The following CRYBG3 variants were observed in gnomAD, a reference collection of about 807,000 sequenced individuals.
CRYBG3 encodes the protein crystallin beta-gamma domain containing 3.
A neutral mutation model predicts 244.2 loss-of-function variants in CRYBG3; 127 were observed. The observed-to-expected ratio is 0.52, with a 90% confidence interval of 0.45 to 0.60. The LOEUF is 0.60. CRYBG3 is among the 20% of genes least tolerant of loss of function. The probability of loss-of-function intolerance (pLI) is 0.00; values close to 1 mark genes in which losing one functional copy is unlikely to be tolerated. For missense variants in CRYBG3, 3,325 were observed against 3,442.5 expected (o/e 0.97, Z 0.85); for synonymous variants, 1,132 against 1,195.8 (o/e 0.95, Z 1.10).
intron 11 of CRYBG3, among the ~76,000 whole-genome samples, chr3:97,894,431 A>G (rs531586774): frequency 4.6e-5 from 7 of 152,082 alleles, no homozygotes; most frequent in Non-Finnish European, 8.8e-5. Context: ...CACAACTTCT[A>G]CCATTTTTTG....
At chr3:97,896,118 C>CT in intron 12 of CRYBG3, 33 bp downstream of exon 12, 1 of 1,566,544 alleles carries the variant, frequency 6.4e-7, no homozygotes, top group East Asian at 2.3e-5. Context: ...AATTTTCTAC[C>CT]TTTTAAAAAA....
At chr3:97,868,717 A>G (rs2039266238) in intron 3 of CRYBG3, among the ~76,000 whole-genome samples, 1 of 152,174 alleles carries the variant, frequency 6.6e-6, no homozygotes, top group South Asian at 2.1e-4. Flanking sequence ...GTATTATTAT[A>G]GTGAGTTGAA....
chr3:97,901,355 A>G lies in CRYBG3; in HGVS notation c.8004+870A>G, dbSNP rs184447162. Among the ~76,000 whole-genome samples the G allele has an allele frequency of 8.5e-5, 13 of 152,356 alleles. No individual in the cohort carries two copies. The East Asian group carries it at 2.1e-3, about 25-fold the overall frequency. On this transcript the variant is annotated intron_variant, in intron 15 of 21. Coordinates refer to ENST00000389622, the MANE Select transcript of CRYBG3 (RefSeq NM_153605.4). Reference sequence around the variant, plus strand: ...AATATTTGGCATTTGCTGCCTTTACATAATGCTCAGTGTTTTTCTCTGAAT... The same window carrying G: ...AATATTTGGCATTTGCTGCCTTTACGTAATGCTCAGTGTTTTTCTCTGAAT...
chr3:97,910,604 G>C (rs1343353053), intron 15 of CRYBG3, among the ~76,000 whole-genome samples: 1 of 152,148 alleles, frequency 6.6e-6, no homozygotes, highest in African/African-American at 2.4e-5. Flanking sequence ...TCCCTGCTTC[G>C]GTTCGCGCAC....
chr3:97,880,234 CATT>C (rs1227676510), intron 6 of CRYBG3, 134 bp downstream of exon 6: 1 of 561,608 alleles, frequency 1.8e-6, no homozygotes, highest in African/African-American at 1.9e-5. Context: ...GATTTTGAAA[CATT>C]ATTATTAGTG....
chr3:97,918,798 AT>A (rs2039954052), intron 17 of CRYBG3, among the ~76,000 whole-genome samples: 1 of 152,156 alleles, frequency 6.6e-6, no homozygotes, highest in South Asian at 2.1e-4. Context: ...AGCACCTCCA[AT>A]TGGGGACATG....
chr3:97,899,360 G>A (rs934796172), intron 14 of CRYBG3, 97 bp downstream of exon 14: 9 of 1,297,834 alleles, frequency 6.9e-6, no homozygotes, highest in Non-Finnish European at 9.6e-6. Context: ...GTTGAATGAT[G>A]TCATGTGTGT....
chr3:97,917,145 T>TAGAA (rs2039937292), intron 17 of CRYBG3, among the ~76,000 whole-genome samples: 1 of 152,184 alleles, frequency 6.6e-6, no homozygotes, highest in Admixed American at 6.5e-5. Flanking sequence ...GAGGGCATTT[T>TAGAA]AGAAGCAGGG....
chr3:97,828,828 C>CA (rs11341279), intron 1 of CRYBG3, among the ~76,000 whole-genome samples: 27,749 of 114,704 alleles, frequency 0.24, 3,285 homozygotes, highest in Middle Eastern at 0.32. Flanking sequence ...AACTCCATCT[C>CA]AAAAAAAAAA....
chr3:97,868,903 AT>A, intron 3 of CRYBG3, among the ~76,000 whole-genome samples: 1 of 151,812 alleles, frequency 6.6e-6, no homozygotes, highest in East Asian at 1.9e-4. Context: ...GACCATGAAC[AT>A]TTCTTGGTAT....
At position 97,877,979 on chromosome 3, in the gene CRYBG3, C is replaced by G; in HGVS notation, c.6785C>G (p.Pro2262Arg). 6.2e-7 allele frequency: 1 copy of G among 1,614,042 alleles called. No homozygotes were observed. Among genetic ancestry groups the G allele is most frequent in the Non-Finnish European group, 8.5e-7 (1 of 1,180,004 alleles). ...AGATTTGGTGGAATTTTTCAGGAAC[C>G]AGTGTCAAAATATTTCCGTGTTCAA... ...GARFGGIFQE[P>R]VSKYFRVQDS... The change falls in exon 4 of 22, where the codon CCA becomes CGA. Residue 2262 changes from proline to arginine, a missense_variant. Transcript: ENST00000389622.
intron 3 of CRYBG3, among the ~76,000 whole-genome samples, chr3:97,867,775 T>A (rs2039252437): frequency 6.6e-6 from 1 of 152,176 alleles, no homozygotes; most frequent in Non-Finnish European, 1.5e-5. Flanking sequence ...TTGTGAAAAT[T>A]CAAATGATAT....
In CRYBG3 at chr3:97,873,248, C is replaced by T; in HGVS notation, c.2054C>T (p.Thr685Ile). Residue 685 changes from threonine (T) to isoleucine (I), a missense_variant, in exon 4 of 22, where the codon ACT becomes ATT. By Grantham distance (89) the Thr-to-Ile change is moderately conservative. This residue lies in a region of CRYBG3 where 1,526 missense variants were observed against 1,443.2 expected (regional missense o/e 1.06). Coordinates refer to ENST00000389622, the MANE Select transcript of CRYBG3 (RefSeq NM_153605.4). ...GAGGGTTCTCCTGTGCCCATTGAAA[C>T]TGGGAATGTCAACATTGTTGGTATT... ...MNEGSPVPIE[T>I]GNVNIVGISY... 2.0e-6 allele frequency: 3 copies of T among 1,535,060 alleles called. No individual in the cohort carries two copies. Among genetic ancestry groups the T allele is most frequent in the Non-Finnish European group, 2.6e-6 (3 of 1,146,506 alleles).
intron 17 of CRYBG3, among the ~76,000 whole-genome samples, chr3:97,927,797 A>T (rs2040055413): frequency 6.6e-6 from 1 of 152,142 alleles, no homozygotes; most frequent in African/African-American, 2.4e-5. Context: ...CAACAAGCAT[A>T]TGAAAAAATG....
intron 12 of CRYBG3, among the ~76,000 whole-genome samples, chr3:97,897,895 C>CA (rs1413148077): frequency 6.6e-6 from 1 of 151,976 alleles, no homozygotes; most frequent in Non-Finnish European, 1.5e-5. Context: ...TATGTTTTGA[C>CA]AAAACGGAAC....
At chr3:97,886,879 C>A in intron 8 of CRYBG3, 112 bp downstream of exon 8, 1 of 855,898 alleles carries the variant, frequency 1.2e-6, no homozygotes. Flanking sequence ...TCTCAGTCAC[C>A]CAAGAAAGAC....
intron 4 of CRYBG3, among the ~76,000 whole-genome samples, chr3:97,879,264 T>G (rs146734100): frequency 5.1e-4 from 78 of 152,290 alleles, no homozygotes; most frequent in Admixed American, 1.9e-3. Flanking sequence ...TAGAATTTCT[T>G]TATTCACTAT....
chr3:97,869,501 A>T (rs2039275795), intron 3 of CRYBG3, among the ~76,000 whole-genome samples: 1 of 152,176 alleles, frequency 6.6e-6, no homozygotes, highest in Non-Finnish European at 1.5e-5. Flanking sequence ...TTTATGTCAT[A>T]GTTGGCTCTG....
chr3:97,879,587 C>A (rs377633985), intron 4 of CRYBG3, 117 bp from the exon 5 acceptor site: 3 of 659,074 alleles, frequency 4.6e-6, no homozygotes, highest in Admixed American at 3.1e-5. Context: ...GCACCTTGCT[C>A]ATAATGATCA....
Sources: gnomAD v4.1 joint callset for allele counts (sites outside exome capture counted in the v4.1 genomes callset) on GRCh38, gnomAD v4.1.1 for gene constraint, gnomAD v4.1.1 regional missense constraint, MANE v1.5 for transcripts, NCBI Gene and HGNC (gene_info 2026-07-23, HGNC 2026-07-21) for gene names.